The following AGMO variants were observed in gnomAD, a reference collection of about 807,000 sequenced individuals.
AGMO encodes glyceryl-ether monooxygenase.
Under a neutral mutation model 60.2 loss-of-function variants are expected in AGMO, and 75 were observed. The observed-to-expected ratio is 1.25, with a 90% CI of 1.03 to 1.51. The LOEUF (loss-of-function observed/expected upper bound fraction) is 1.51. Among genes scored for constraint, AGMO ranks in the 40% most tolerant of loss-of-function variants. AGMO has a pLI of 0.00. For missense variants in AGMO, 763 were observed against 525.5 expected, an observed-to-expected ratio of 1.45 and a Z score of -4.42; for synonymous variants, 261 against 177.1, an observed-to-expected ratio of 1.47 and a Z score of -3.76.
intron 12 of AGMO, among the ~76,000 whole-genome samples, chr7:15,304,911 A>G (rs1780566761): frequency 6.6e-6 from 1 of 152,078 alleles, no homozygotes; most frequent in Non-Finnish European, 1.5e-5. Flanking sequence ...TGATTTAGTT[A>G]AATCTTGGAG....
At chr7:15,259,410 G>A (rs1208801134) in intron 12 of AGMO, among the ~76,000 whole-genome samples, 1 of 152,080 alleles carries the variant, frequency 6.6e-6, no homozygotes. Flanking sequence ...CTGGGACTAT[G>A]TTAAACATAC....
chr7:15,145,561 C>T, the AGMO span, among the ~76,000 whole-genome samples: 63,849 of 151,736 alleles, frequency 0.42, 14,039 homozygotes, highest in East Asian at 0.71. Flanking sequence ...GCAGTATTAT[C>T]GGTAATTGTT....
downstream of AGMO, among the ~76,000 whole-genome samples, chr7:15,195,777 G>A (rs756785038): frequency 5.3e-5 from 8 of 152,116 alleles, no homozygotes; most frequent in African/African-American, 1.4e-4. Flanking sequence ...AAACCTTACC[G>A]AGGACTTCCT....
intron 10 of AGMO, among the ~76,000 whole-genome samples, chr7:15,385,081 T>TAAGTATGTTGGAATTCTCTAAGG (rs1783860459): frequency 6.6e-6 from 1 of 152,082 alleles, no homozygotes; most frequent in African/African-American, 2.4e-5. Context: ...ATTCTCTAAG[T>TAAGTATGTTGGAATTCTCTAAGG]GAAGGTAAGT....
At chr7:15,173,949 T>C in the AGMO span, among the ~76,000 whole-genome samples, 1 of 151,962 alleles carries the variant, frequency 6.6e-6, no homozygotes, top group Non-Finnish European at 1.5e-5. Context: ...ACAAATTTCA[T>C]GTTATCTTTA....
chr7:15,533,178 T>C (rs1000150883), intron 3 of AGMO, among the ~76,000 whole-genome samples: 79 of 152,154 alleles, frequency 5.2e-4, no homozygotes, highest in Admixed American at 2.4e-3. Context: ...ACTTGGTACT[T>C]AAGATCTAAG....
At chr7:15,176,720 A>AC in the AGMO span, among the ~76,000 whole-genome samples, 1 of 151,956 alleles carries the variant, frequency 6.6e-6, no homozygotes, top group African/African-American at 2.4e-5. Context: ...AATTTCAAGT[A>AC]AACAATACAG....
intron 12 of AGMO, among the ~76,000 whole-genome samples, chr7:15,303,140 C>G (rs1256468644): frequency 6.6e-6 from 1 of 152,014 alleles, no homozygotes; most frequent in Non-Finnish European, 1.5e-5. Context: ...AAAAAAAGTG[C>G]AGCCCACAGA....
chr7:15,465,948 C>T (rs1782272952), intron 3 of AGMO, among the ~76,000 whole-genome samples: 2 of 152,074 alleles, frequency 1.3e-5, no homozygotes, highest in African/African-American at 4.8e-5. Context: ...AATAAAAATA[C>T]TAAAATTTAT....
chr7:15,165,410 A>G, the AGMO span, among the ~76,000 whole-genome samples: 1 of 152,176 alleles, frequency 6.6e-6, no homozygotes, highest in East Asian at 1.9e-4. Context: ...AGTTACCATA[A>G]AAGACAAGAG....
chr7:15,367,433 G>C (rs917680895), intron 10 of AGMO, among the ~76,000 whole-genome samples: 1 of 151,872 alleles, frequency 6.6e-6, no homozygotes. Flanking sequence ...ACTTGGCAGA[G>C]TAGTTGTCAT....
rs183020439 is a variant in AGMO at position 15,306,608 on chromosome 7, G to A, written c.1263+58906C>T. On this transcript the variant is annotated intron_variant, in intron 12 of 12. Transcript: ENST00000342526. ...AGCATTACAAAATATGGCAATTTGTGTTACCTTGCTAAAAAGTTAATATGG... is the reference window on the plus strand; with the variant it reads ...AGCATTACAAAATATGGCAATTTGTATTACCTTGCTAAAAAGTTAATATGG... 1,716 of 426,718 alleles carry A rather than the reference G, an allele frequency of 4.0e-3. 29 individuals carry two copies. The highest frequency in any genetic ancestry group is 1.2e-3 in the Non-Finnish European group (264 of 213,132). 26.4% of individuals were successfully genotyped at this position (426,718 alleles called of 1,614,324 possible).
At position 15,254,194 on chromosome 7, in the gene AGMO, C is replaced by T. The variant is rs1238756922; in HGVS notation, c.1264-52835G>A. ...GTTATCTTAATAGTGCTACAATTTT[C>T]GTGAGAGTGCAGATGTCTCTCTAAC... On this transcript the variant is annotated intron_variant, in intron 12 of 12. Transcript: ENST00000342526. Among the ~76,000 whole-genome samples the T allele has an allele frequency of 3.3e-5, 5 of 152,062 alleles. No homozygotes were observed. In the East Asian group the frequency reaches 5.8e-4, roughly 18 times the overall value.
rs1783574395 is a variant in AGMO, at chr7:15,379,111, A to C, written c.1074+6335T>G. Among the ~76,000 whole-genome samples, 3 of 152,100 alleles carry C rather than the reference A, an allele frequency of 2.0e-5. No individual in the cohort carries two copies. The South Asian group carries it at 6.2e-4, about 32-fold the overall frequency. ...CAACATACCAGAATCTCTAGGACAC[A>C]GCTAAGGCAGTGTTAAGAGAGAAAT... On this transcript the variant is annotated intron_variant, in intron 10 of 12. Transcript: ENST00000342526.
intron 3 of AGMO, among the ~76,000 whole-genome samples, chr7:15,472,283 C>A (rs1782468811): frequency 6.6e-6 from 1 of 151,822 alleles, no homozygotes; most frequent in Admixed American, 6.6e-5. Flanking sequence ...CTAATGAATT[C>A]ATTGAGTAGA....
chr7:15,428,246 C>G (rs753292360), intron 4 of AGMO, among the ~76,000 whole-genome samples: 1 of 151,998 alleles, frequency 6.6e-6, no homozygotes, highest in African/African-American at 2.4e-5. Flanking sequence ...CCATCACAGG[C>G]CCTTAAAACA....
At chr7:15,304,927 A>G (rs990840826) in intron 12 of AGMO, among the ~76,000 whole-genome samples, 4 of 152,040 alleles carry the variant, frequency 2.6e-5, no homozygotes, top group African/African-American at 9.7e-5. Flanking sequence ...TGGAGAGCAC[A>G]CTGGATAAAA....
intron 6 of AGMO, among the ~76,000 whole-genome samples, chr7:15,393,010 C>T (rs1330721173): frequency 1.3e-5 from 2 of 152,170 alleles, no homozygotes; most frequent in Admixed American, 6.5e-5. Context: ...GTAAACAGAA[C>T]GGCTATATGG....
chr7:15,403,920 G>A (rs772993213), intron 5 of AGMO, among the ~76,000 whole-genome samples: 5 of 151,906 alleles, frequency 3.3e-5, no homozygotes, highest in Admixed American at 6.6e-5. Flanking sequence ...TAGGATATGT[G>A]CTTGTCTGCC....
Sources: allele counts gnomAD v4.1 joint callset (sites outside exome capture counted in the v4.1 genomes callset), GRCh38; gene constraint gnomAD v4.1.1; transcripts MANE v1.5; gene names NCBI Gene and HGNC (gene_info 2026-07-23, HGNC 2026-07-21).